IL3RA: variants seen among roughly 807,000 people sequenced by gnomAD.
IL3RA encodes the protein interleukin-3 receptor subunit alpha.
IL3RA carries 73 observed loss-of-function variants against 52.3 expected under a neutral mutation model. That is an observed-to-expected ratio of 1.40 (90% confidence interval 1.16 to 1.70). The LOEUF (loss-of-function observed/expected upper bound fraction) is 1.70, where lower values mean the gene tolerates loss of function less well. IL3RA is among the 40% of genes most tolerant of loss of function. The pLI is 0.00. For synonymous variants in IL3RA, 260 were observed against 194.0 expected, an observed-to-expected ratio of 1.34 and a Z score of -2.83; for missense variants, 664 against 504.4, an observed-to-expected ratio of 1.32 and a Z score of -3.03.
At chrX:1,338,204 AT>A (rs1348389573) in intron 1 of IL3RA, among the ~76,000 whole-genome samples, 1 of 151,160 alleles carries the variant, frequency 6.6e-6, no homozygotes, top group Non-Finnish European at 1.5e-5. Flanking sequence ...AAGCAGCTTT[AT>A]TCACAATAGC....
intron 10 of IL3RA, 30 bp downstream of exon 10, chrX:1,378,794 G>A (rs17883130): frequency 0.17 from 261,539 of 1,580,552 alleles, 22,908 homozygotes; most frequent in Middle Eastern, 0.22. Context: ...CGCGAGCGTC[G>A]CTTGTTTCCA....
intron 4 of IL3RA, among the ~76,000 whole-genome samples, chrX:1,348,766 TTC>T (rs1204699321): frequency 1.3e-5 from 2 of 149,192 alleles, no homozygotes; most frequent in Non-Finnish European, 3.0e-5. Context: ...TCTCTTTCTT[TTC>T]TTTCTCTTTC....
intron 4 of IL3RA, 114 bp downstream of exon 4, chrX:1,348,659 T>TTTCTTTCC: frequency 1.8e-5 from 8 of 435,516 alleles, no homozygotes; most frequent in South Asian, 2.9e-5. Context: ...TCTTTCTTTC[T>TTTCTTTCC]TTCTTTCTTT....
At chrX:1,344,151 C>G (rs1340469685) in intron 2 of IL3RA, among the ~76,000 whole-genome samples, 1 of 152,024 alleles carries the variant, frequency 6.6e-6, no homozygotes, top group Non-Finnish European at 1.5e-5. Flanking sequence ...CTCCACTTCC[C>G]AGCCAGGCTC....
At chrX:1,362,393 TTC>T (rs1396215950) in intron 8 of IL3RA, among the ~76,000 whole-genome samples, 28 of 150,896 alleles carry the variant, frequency 1.9e-4, no homozygotes, top group South Asian at 6.4e-4. Context: ...CTCTGTCTGT[TTC>T]TGTTTTTCTT....
intron 9 of IL3RA, among the ~76,000 whole-genome samples, chrX:1,368,652 C>G (rs1342530676): frequency 6.6e-6 from 1 of 152,054 alleles, no homozygotes; most frequent in African/African-American, 2.4e-5. Context: ...GGACTGGGGT[C>G]CTTATAAGAA....
rs750276914 is a variant in IL3RA, at chrX:1,356,321, G to A, written c.717G>A (p.Glu239=). ...ATTTCAATCGCAAATTTCGCTATGA[G>A]CTTCAGATACAAAAGGTAAACTTTC... ...RSHFNRKFRY[E]LQIQKRMQPV... The change falls in exon 7 of 12, where the codon GAG becomes GAA. Residue 239 remains glutamate, a synonymous_variant. Transcript: ENST00000331035. The A allele has an allele frequency of 1.9e-6, 3 of 1,610,546 alleles. No individual in the cohort carries two copies. The highest frequency in any genetic ancestry group is 1.1e-5 in the South Asian group (1 of 91,016).
chrX:1,379,974 G>A (rs187755248), intron 10 of IL3RA, among the ~76,000 whole-genome samples: 69 of 152,236 alleles, frequency 4.5e-4, no homozygotes, highest in African/African-American at 1.6e-3. Flanking sequence ...TGGTCAGGCT[G>A]GTCTTGAACT....
intron 11 of IL3RA, among the ~76,000 whole-genome samples, chrX:1,382,148 A>C (rs1273920464): frequency 1.4e-5 from 2 of 146,648 alleles, no homozygotes; most frequent in Non-Finnish European, 3.0e-5. Flanking sequence ...AAGGGGTTTC[A>C]CCATGTTGGC....
intron 2 of IL3RA, among the ~76,000 whole-genome samples, chrX:1,343,433 G>C (rs1239873711): frequency 6.6e-6 from 1 of 151,914 alleles, no homozygotes; most frequent in Non-Finnish European, 1.5e-5. Flanking sequence ...GGGAGGCTGA[G>C]GCGGGTGGAT....
chrX:1,354,995 AGAG>A (rs1414840382), intron 6 of IL3RA, among the ~76,000 whole-genome samples: 22 of 512 alleles, frequency 0.043, 1 homozygote, highest in Middle Eastern at 0.5. Context: ...AGGAGGGGAG[AGAG>A]GAGGAGGGAG....
chrX:1,347,611 C>G (rs1430737300), intron 3 of IL3RA, among the ~76,000 whole-genome samples: 3 of 151,178 alleles, frequency 2.0e-5, no homozygotes, highest in Non-Finnish European at 1.5e-5. Flanking sequence ...CGGAGTGAGG[C>G]CCTGTCTTAA....
chrX:1,337,221 G>C (rs1247819292), intron 1 of IL3RA, among the ~76,000 whole-genome samples: 1 of 152,210 alleles, frequency 6.6e-6, no homozygotes, highest in Non-Finnish European at 1.5e-5. Flanking sequence ...ATTTGACAGT[G>C]CTTTCTGCTT....
At chrX:1,368,076 G>A (rs1286679980) in intron 9 of IL3RA, among the ~76,000 whole-genome samples, 1 of 152,024 alleles carries the variant, frequency 6.6e-6, no homozygotes, top group Non-Finnish European at 1.5e-5. Flanking sequence ...CGGCTAACAC[G>A]GTGAAACCCG....
chrX:1,349,242 C>T (rs60158964), intron 4 of IL3RA, among the ~76,000 whole-genome samples: 1,935 of 149,678 alleles, frequency 0.013, 44 homozygotes, highest in African/African-American at 0.046. Flanking sequence ...AGTGCACTGG[C>T]GCGATCTCGG....
At chrX:1,345,125 G>A (rs759450970) in intron 2 of IL3RA, among the ~76,000 whole-genome samples, 191 bp from the exon 3 acceptor site, 6 of 150,910 alleles carry the variant, frequency 4.0e-5, no homozygotes, top group Non-Finnish European at 8.8e-5. Context: ...CTGAGATCGT[G>A]CCACTGTAGT....
At chrX:1,382,351 G>C (rs768642592) in intron 11 of IL3RA, 40 bp from the exon 12 acceptor site, 5 of 1,535,726 alleles carry the variant, frequency 3.3e-6, no homozygotes, top group African/African-American at 2.7e-5. Context: ...CTGTTATCTG[G>C]GGGGTGGCCG....
intron 9 of IL3RA, among the ~76,000 whole-genome samples, chrX:1,377,757 C>T (rs1481122291): frequency 6.7e-6 from 1 of 150,264 alleles, no homozygotes; most frequent in Middle Eastern, 3.2e-3. Flanking sequence ...CCTCGACCTC[C>T]TGGGCTCAAG....
Position 1,363,619 on chromosome X carries a change from G to A in IL3RA, c.760-1519G>A, listed in dbSNP as rs1190858840. On this transcript the variant is annotated intron_variant, in intron 8 of 11. Transcript: ENST00000331035. ...TTTCATCATAAGGCCCCACTGTAAG[G>A]AGCTGGGGGCTAAGACTGCAACATA... is the stretch of plus-strand genomic sequence containing the variant. Among the ~76,000 whole-genome samples, 36 of 151,050 alleles carry A rather than the reference G, an allele frequency of 2.4e-4. 1 individual carries two copies. Among genetic ancestry groups the A allele is most frequent in the South Asian group, 8.3e-4 (4 of 4,792 alleles).
Sources: allele counts gnomAD v4.1 joint callset (sites outside exome capture counted in the v4.1 genomes callset), GRCh38; gene constraint gnomAD v4.1.1; transcripts MANE v1.5; gene names NCBI Gene and HGNC (gene_info 2026-07-23, HGNC 2026-07-21).